TMEM131L: variants seen among roughly 807,000 people sequenced by gnomAD.
TMEM131L encodes the protein transmembrane protein 131-like.
Under a neutral mutation model 192.2 loss-of-function variants are expected in TMEM131L, and 54 were observed. The observed-to-expected ratio is 0.28, with a 90% CI of 0.23 to 0.35. TMEM131L has a LOEUF of 0.35. Among genes scored for constraint, TMEM131L ranks in the 10% least tolerant of loss-of-function variants. TMEM131L has a pLI of 1.00. For missense variants in TMEM131L, 1,888 were observed against 1,972.9 expected, an observed-to-expected ratio of 0.96 and a Z score of 0.82; for synonymous variants, 701 against 704.9, an observed-to-expected ratio of 0.99 and a Z score of 0.09.
intron 3 of TMEM131L, among the ~76,000 whole-genome samples, chr4:153,488,357 A>G (rs1732512898): frequency 6.6e-6 from 1 of 152,230 alleles, no homozygotes; most frequent in South Asian, 2.1e-4. Flanking sequence ...GCCCACCCCA[A>G]GGGGACTTCC....
chr4:153,511,469 T>C (rs1226975096), intron 3 of TMEM131L, among the ~76,000 whole-genome samples: 1 of 152,120 alleles, frequency 6.6e-6, no homozygotes, highest in Non-Finnish European at 1.5e-5. Context: ...GAATGGGGCC[T>C]AACTGAAGGT....
intron 3 of TMEM131L, among the ~76,000 whole-genome samples, chr4:153,507,970 G>A (rs150953052): frequency 1.2e-4 from 19 of 152,284 alleles, no homozygotes; most frequent in African/African-American, 3.8e-4. Context: ...GACACATTTC[G>A]TGGGTGAGTT....
chr4:153,489,581 G>A (rs1292298328), intron 3 of TMEM131L, among the ~76,000 whole-genome samples: 3 of 152,090 alleles, frequency 2.0e-5, no homozygotes, highest in Non-Finnish European at 2.9e-5. Flanking sequence ...AGGTTCAAGC[G>A]ATTCTCCTGC....
At chr4:153,589,178 A>G (rs1236109800) in intron 16 of TMEM131L, among the ~76,000 whole-genome samples, 171 bp downstream of exon 16, 1 of 152,114 alleles carries the variant, frequency 6.6e-6, no homozygotes, top group East Asian at 1.9e-4. Flanking sequence ...CTTCATCATA[A>G]TTTCACAAAT....
intron 3 of TMEM131L, among the ~76,000 whole-genome samples, chr4:153,487,323 G>A (rs918583860): frequency 1.3e-5 from 2 of 152,156 alleles, no homozygotes; most frequent in African/African-American, 4.8e-5. Flanking sequence ...CCTAGAATCC[G>A]TACGTATTCT....
In TMEM131L at chr4:153,613,299, T is replaced by C. The variant is rs563137587; in HGVS notation, c.3567+899T>C. On this transcript the variant is annotated intron_variant, in intron 26 of 34. Transcript: ENST00000409959. ...TTATATCCAGAATGAAGACTAAAAA[T>C]TTGGCAATTATAACCACAGAACAGA... Among the ~76,000 whole-genome samples the C allele has an allele frequency of 2.6e-5, 4 of 152,334 alleles. No individual in the cohort carries two copies. The East Asian group carries it at 7.7e-4, about 29-fold the overall frequency.
intron 4 of TMEM131L, among the ~76,000 whole-genome samples, chr4:153,552,571 C>T (rs1445599224): frequency 1.3e-5 from 2 of 152,310 alleles, no homozygotes; most frequent in South Asian, 4.1e-4. Flanking sequence ...TGGTTTATGC[C>T]TGTAATCCCA....
chr4:153,625,454 G>T (rs982821590), intron 29 of TMEM131L, among the ~76,000 whole-genome samples: 27 of 152,088 alleles, frequency 1.8e-4, no homozygotes, highest in African/African-American at 6.3e-4. Context: ...TGAGGGAAAG[G>T]CTAACATTAG....
chr4:153,553,023 A>G lies in TMEM131L; in HGVS notation c.309-2764A>G, dbSNP rs117652332. Among the ~76,000 whole-genome samples the G allele has an allele frequency of 6.3e-3, 956 of 151,918 alleles. 19 individuals are homozygous for G. The East Asian group carries it at 0.084, about 13-fold the overall frequency. On this transcript the variant is annotated intron_variant, in intron 4 of 34. Coordinates refer to ENST00000409959, the MANE Select transcript of TMEM131L (RefSeq NM_001131007.2). Reference sequence around the variant, plus strand: ...ATGGAGAGCCAACTGTATATGATACACTTTTGTTAATTAGCAATATACATT... The same window carrying G: ...ATGGAGAGCCAACTGTATATGATACGCTTTTGTTAATTAGCAATATACATT...
At chr4:153,520,103 G>A (rs1735004911) in intron 3 of TMEM131L, among the ~76,000 whole-genome samples, 1 of 152,062 alleles carries the variant, frequency 6.6e-6, no homozygotes, top group African/African-American at 2.4e-5. Flanking sequence ...AACAAACACG[G>A]TCCATCTTTC....
At chr4:153,514,938 G>A (rs946988093) in intron 3 of TMEM131L, among the ~76,000 whole-genome samples, 2 of 151,646 alleles carry the variant, frequency 1.3e-5, no homozygotes. Context: ...CGGCCTCCCG[G>A]ATAGCTGGGA....
chr4:153,520,882 A>C (rs1019047627), intron 3 of TMEM131L, among the ~76,000 whole-genome samples: 1 of 152,202 alleles, frequency 6.6e-6, no homozygotes, highest in Non-Finnish European at 1.5e-5. Flanking sequence ...TCCCAGGGGT[A>C]ATTGTAGCTT....
At chr4:153,482,105 A>G (rs1005956253) in intron 3 of TMEM131L, among the ~76,000 whole-genome samples, 1 of 152,152 alleles carries the variant, frequency 6.6e-6, no homozygotes, top group Admixed American at 6.5e-5. Flanking sequence ...CGGCCTCCCA[A>G]AGTGCTGGGA....
At chr4:153,552,191 C>T (rs932907059) in intron 4 of TMEM131L, among the ~76,000 whole-genome samples, 9 of 151,832 alleles carry the variant, frequency 5.9e-5, no homozygotes, top group African/African-American at 9.7e-5. Context: ...CTAGCCTGGG[C>T]GACAGAGGGA....
intron 3 of TMEM131L, among the ~76,000 whole-genome samples, chr4:153,533,535 C>T (rs987031464): frequency 1.3e-5 from 2 of 152,226 alleles, no homozygotes; most frequent in Non-Finnish European, 2.9e-5. Context: ...AAAGAACCAT[C>T]TCAGGCATGC....
chr4:153,603,282 C>T, intron 23 of TMEM131L, 21 bp from the exon 24 acceptor site: 3 of 1,609,386 alleles, frequency 1.9e-6, no homozygotes, highest in Non-Finnish European at 2.5e-6. Flanking sequence ...CAATACTGAA[C>T]CTTGTTGCTT....
At chr4:153,506,791 C>T (rs113277251) in intron 3 of TMEM131L, among the ~76,000 whole-genome samples, 21,212 of 146,094 alleles carry the variant, frequency 0.15, 2,914 homozygotes, top group African/African-American at 0.34. Flanking sequence ...TGCAGTGAGC[C>T]GAGATTGCGC....
intron 19 of TMEM131L, among the ~76,000 whole-genome samples, chr4:153,594,825 C>T (rs13146602): frequency 0.27 from 40,594 of 151,900 alleles, 5,768 homozygotes; most frequent in Non-Finnish European, 0.33. Context: ...TTCTTGTTAG[C>T]GAGTCTGCCC....
chr4:153,582,930 G>T (rs1014934855), intron 9 of TMEM131L, among the ~76,000 whole-genome samples: 3 of 151,782 alleles, frequency 2.0e-5, no homozygotes, highest in Non-Finnish European at 4.4e-5. Context: ...TCAGAATTTT[G>T]CTCCTGGTAG....
Sources: gnomAD v4.1 joint callset for allele counts (sites outside exome capture counted in the v4.1 genomes callset) on GRCh38, gnomAD v4.1.1 for gene constraint, MANE v1.5 for transcripts, NCBI Gene and HGNC (gene_info 2026-07-23, HGNC 2026-07-21) for gene names.